HS3ST4: variants seen among roughly 807,000 people sequenced by gnomAD.
The protein encoded by HS3ST4 is heparan sulfate-glucosamine 3-sulfotransferase 4.
Under a neutral mutation model 29.2 loss-of-function variants are expected in HS3ST4, and 17 were observed. The observed-to-expected ratio is 0.58, with a 90% CI of 0.40 to 0.87. The LOEUF (loss-of-function observed/expected upper bound fraction) is 0.87. Ranked by LOEUF, HS3ST4 falls within the 40% of genes least tolerant of loss-of-function variation. The pLI is 0.00. For synonymous variants in HS3ST4, 314 were observed against 285.7 expected, an observed-to-expected ratio of 1.10 and a Z score of -1.00; for missense variants, 627 against 634.5, an observed-to-expected ratio of 0.99 and a Z score of 0.13.
intron 1 of HS3ST4, among the ~76,000 whole-genome samples, chr16:25,741,187 A>G (rs748509833): frequency 3.7e-4 from 56 of 151,994 alleles, no homozygotes; most frequent in Non-Finnish European, 7.7e-4. Flanking sequence ...TTTGTGTCCT[A>G]TTTTACATTT....
At chr16:25,928,768 T>A (rs1034783342) in intron 1 of HS3ST4, among the ~76,000 whole-genome samples, 1 of 151,756 alleles carries the variant, frequency 6.6e-6, no homozygotes, top group Non-Finnish European at 1.5e-5. Flanking sequence ...GAGTTTGGGG[T>A]TCCTCATGAC....
intron 1 of HS3ST4, among the ~76,000 whole-genome samples, chr16:25,882,654 C>T (rs1455307449): frequency 6.6e-6 from 1 of 152,156 alleles, no homozygotes; most frequent in South Asian, 2.1e-4. Flanking sequence ...TTTCGAGCCA[C>T]TGTTCCATCT....
intron 1 of HS3ST4, among the ~76,000 whole-genome samples, chr16:26,082,160 T>C (rs969085451): frequency 1.3e-5 from 2 of 152,190 alleles, no homozygotes; most frequent in East Asian, 1.9e-4. Context: ...AGTTTTACAA[T>C]AGAGCCTCTA....
intron 1 of HS3ST4, among the ~76,000 whole-genome samples, chr16:25,883,640 C>T (rs1207878785): frequency 6.6e-6 from 1 of 152,138 alleles, no homozygotes; most frequent in Non-Finnish European, 1.5e-5. Flanking sequence ...AGTGACATTT[C>T]AGGAATGAGT....
intron 1 of HS3ST4, among the ~76,000 whole-genome samples, chr16:25,920,300 G>A (rs542710605): frequency 6.6e-6 from 1 of 152,094 alleles, no homozygotes; most frequent in South Asian, 2.1e-4. Flanking sequence ...ATTGTACCAC[G>A]TTTTTCTCAA....
At chr16:25,795,954 T>TA (rs908980177) in intron 1 of HS3ST4, among the ~76,000 whole-genome samples, 14 of 151,848 alleles carry the variant, frequency 9.2e-5, no homozygotes, top group African/African-American at 3.4e-4. Flanking sequence ...CTTTTTTTTT[T>TA]AATCCCTTTT....
At chr16:25,889,238 C>T (rs1391084747) in intron 1 of HS3ST4, among the ~76,000 whole-genome samples, 2 of 152,170 alleles carry the variant, frequency 1.3e-5, no homozygotes, top group African/African-American at 2.4e-5. Context: ...TCTTTTCTTG[C>T]TCGCTCTGAG....
At chr16:26,042,283 A>C (rs62034516) in intron 1 of HS3ST4, among the ~76,000 whole-genome samples, 12,841 of 152,216 alleles carry the variant, frequency 0.084, 707 homozygotes, top group East Asian at 0.18. Context: ...GTCCTTGTCT[A>C]TTTCAGAATA....
chr16:25,844,879 C>A (rs1050463194), intron 1 of HS3ST4, among the ~76,000 whole-genome samples: 4 of 152,098 alleles, frequency 2.6e-5, no homozygotes, highest in African/African-American at 9.7e-5. Context: ...TAAAAAGGAA[C>A]AAGATCATGT....
At chr16:26,046,918 A>C (rs560939145) in intron 1 of HS3ST4, among the ~76,000 whole-genome samples, 2 of 152,302 alleles carry the variant, frequency 1.3e-5, no homozygotes, top group South Asian at 2.1e-4. Flanking sequence ...TAAGTGTCTA[A>C]GTCAAAATTC....
rs1046783312 is a variant in HS3ST4, at chr16:25,784,189, C to T, written c.734+91038C>T. ...AATTGGTGTGTCCTGACTGCTCTGC[C>T]GACTGGACATGCCCTTACCTCTCTC... On this transcript the variant is annotated intron_variant, in intron 1 of 1. Coordinates refer to ENST00000331351, the MANE Select transcript of HS3ST4 (RefSeq NM_006040.3). Among the ~76,000 whole-genome samples the T allele has an allele frequency of 3.9e-5, 6 of 152,150 alleles. 1 individual carries two copies. Among genetic ancestry groups the T allele is most frequent in the Non-Finnish European group, 7.3e-5 (5 of 68,030 alleles).
rs186758208 is a variant in HS3ST4, at chr16:26,054,005, A to G, written c.735-81607A>G. Among the ~76,000 whole-genome samples the G allele has an allele frequency of 5.6e-3, 851 of 152,256 alleles. 9 individuals are homozygous for G. The highest frequency in any genetic ancestry group is 0.019 in the Admixed American group (286 of 15,294). ...TTTCTACCACCACAAAGACAAGGAA[A>G]AGGAAAGCTTAGCAGAAAATGCACC... On this transcript the variant is annotated intron_variant, in intron 1 of 1. Coordinates refer to ENST00000331351, the MANE Select transcript of HS3ST4 (RefSeq NM_006040.3).
intron 1 of HS3ST4, among the ~76,000 whole-genome samples, chr16:25,734,192 T>C (rs1430057223): frequency 6.6e-6 from 1 of 152,218 alleles, no homozygotes; most frequent in Non-Finnish European, 1.5e-5. Flanking sequence ...TCTGGCTATG[T>C]GTGCAATATG....
intron 1 of HS3ST4, among the ~76,000 whole-genome samples, chr16:26,115,201 A>G (rs180871311): frequency 1.1e-3 from 150 of 140,442 alleles, no homozygotes; most frequent in Non-Finnish European, 1.3e-3. Context: ...ATTCTATATA[A>G]TTTCTATGAA....
chr16:26,088,987 A>T (rs1898821253), intron 1 of HS3ST4, among the ~76,000 whole-genome samples: 1 of 152,208 alleles, frequency 6.6e-6, no homozygotes, highest in Admixed American at 6.5e-5. Context: ...TTGTCTCTGT[A>T]TAAAAGTCTT....
chr16:25,751,629 C>T (rs909089522), intron 1 of HS3ST4, among the ~76,000 whole-genome samples: 4 of 152,160 alleles, frequency 2.6e-5, no homozygotes, highest in Non-Finnish European at 4.4e-5. Flanking sequence ...GCATTTCACT[C>T]CTGCTTCACA....
intron 1 of HS3ST4, among the ~76,000 whole-genome samples, chr16:25,982,851 C>G (rs766325016): frequency 6.6e-6 from 1 of 152,134 alleles, no homozygotes; most frequent in Non-Finnish European, 1.5e-5. Flanking sequence ...AGAAAAAAAT[C>G]TCTTCAACTC....
At chr16:25,825,096 C>T (rs1018080701) in intron 1 of HS3ST4, among the ~76,000 whole-genome samples, 3 of 152,156 alleles carry the variant, frequency 2.0e-5, no homozygotes, top group Non-Finnish European at 4.4e-5. Context: ...TTTGTGAAGA[C>T]ATCAAGACAA....
At position 25,730,814 on chromosome 16, in the gene HS3ST4, C is replaced by T. The variant is rs189467236; in HGVS notation, c.734+37663C>T. On this transcript the variant is annotated intron_variant, in intron 1 of 1. Transcript: ENST00000331351. Reference sequence around the variant, plus strand: ...CCTCACTTTCTCCCATCCTTCTATCCCTCTTCCCTCCCTGCCTGACTTGGG... The same window carrying T: ...CCTCACTTTCTCCCATCCTTCTATCTCTCTTCCCTCCCTGCCTGACTTGGG... Among the ~76,000 whole-genome samples, 699 of 151,972 alleles carry T rather than the reference C, an allele frequency of 4.6e-3. 2 individuals carry two copies. The highest frequency in any genetic ancestry group is 0.016 in the African/African-American group (650 of 41,424).
Sources: allele counts gnomAD v4.1 joint callset (sites outside exome capture counted in the v4.1 genomes callset), GRCh38; gene constraint gnomAD v4.1.1; transcripts MANE v1.5; gene names NCBI Gene and HGNC (gene_info 2026-07-23, HGNC 2026-07-21).